HS2ST1: variants seen among roughly 807,000 people sequenced by gnomAD.
HS2ST1 encodes the protein heparan sulfate 2-O-sulfotransferase 1, also known as 2-O-sulfotransferase.
In HS2ST1, 18 loss-of-function variants were observed where a neutral mutation model predicts 42.9. The ratio of observed to expected loss-of-function variants is 0.42; its 90% CI spans 0.29 to 0.62. The LOEUF is 0.62. Ranked by LOEUF, HS2ST1 falls within the 20% of genes least tolerant of loss-of-function variation. HS2ST1 has a pLI of 0.21. For missense variants in HS2ST1, 334 were observed against 433.8 expected (o/e 0.77, Z 2.04); for synonymous variants, 146 against 152.9 (o/e 0.95, Z 0.33).
chr1:87,006,429 C>A (rs998119612), intron 1 of HS2ST1, among the ~76,000 whole-genome samples: 5 of 152,102 alleles, frequency 3.3e-5, no homozygotes, highest in Non-Finnish European at 5.9e-5. Flanking sequence ...AGAGCACTTA[C>A]TAGTCAACAG....
intron 1 of HS2ST1, among the ~76,000 whole-genome samples, chr1:87,062,607 T>A (rs2100624465): frequency 6.6e-6 from 1 of 152,328 alleles, no homozygotes; most frequent in African/African-American, 2.4e-5. Context: ...GTTTATTGTA[T>A]TTACACATAT....
At chr1:87,058,952 G>A (rs555016021) in intron 1 of HS2ST1, among the ~76,000 whole-genome samples, 2,454 of 151,462 alleles carry the variant, frequency 0.016, 34 homozygotes, top group African/African-American at 0.037. Context: ...CCAGCTACTC[G>A]GGAGGTTGAG....
chr1:86,990,830 ATATATATTTTTTTTTT>A (rs1345410973), intron 1 of HS2ST1, among the ~76,000 whole-genome samples: 288 of 18,596 alleles, frequency 0.015, 14 homozygotes, highest in South Asian at 0.063. Flanking sequence ...ATATATATAT[ATATATATTTTTTTTTT>A]TTTTTTTTTT....
At chr1:86,924,609 C>T (rs1660375216) in intron 1 of HS2ST1, among the ~76,000 whole-genome samples, 1 of 152,184 alleles carries the variant, frequency 6.6e-6, no homozygotes, top group African/African-American at 2.4e-5. Context: ...GCAGGCTCAA[C>T]ACCATGTGGA....
chr1:87,103,298 T>C (rs945951392), intron 5 of HS2ST1, 134 bp from the exon 6 acceptor site: 22 of 686,634 alleles, frequency 3.2e-5, no homozygotes, highest in Admixed American at 1.0e-4. Context: ...TCCCACAGGA[T>C]GGTAATAAAG....
At chr1:86,966,918 T>C (rs1648064480) in intron 1 of HS2ST1, among the ~76,000 whole-genome samples, 1 of 148,874 alleles carries the variant, frequency 6.7e-6, no homozygotes, top group African/African-American at 2.5e-5. Context: ...TGAGGCGGAA[T>C]TTCGCTCTTG....
At chr1:87,015,997 A>T (rs1294375385) in intron 1 of HS2ST1, among the ~76,000 whole-genome samples, 2 of 151,632 alleles carry the variant, frequency 1.3e-5, no homozygotes, top group Non-Finnish European at 2.9e-5. Flanking sequence ...TTATATTTTT[A>T]GTAGAGACGG....
rs935085642 is a variant in HS2ST1 at position 86,969,954 on chromosome 1, C to T, written c.124+54794C>T. Among the ~76,000 whole-genome samples the T allele has an allele frequency of 5.9e-5, 9 of 151,892 alleles. No homozygotes were observed. The South Asian group carries it at 6.2e-4, about 10-fold the overall frequency. ...CAGCCTGACCAACGTGGAGAAACCT[C>T]GTCTCTACTAAATATACAAAATTAG... On this transcript the variant is annotated intron_variant, in intron 1 of 6. Coordinates refer to ENST00000370550, the MANE Select transcript of HS2ST1 (RefSeq NM_012262.4).
chr1:87,087,573 T>A (rs1267262149), intron 3 of HS2ST1, among the ~76,000 whole-genome samples: 1 of 152,106 alleles, frequency 6.6e-6, no homozygotes, highest in Non-Finnish European at 1.5e-5. Flanking sequence ...CTTCATTAGG[T>A]CTGAAATTCT....
intron 1 of HS2ST1, among the ~76,000 whole-genome samples, chr1:86,920,123 A>T (rs1046219621): frequency 2.0e-5 from 3 of 152,242 alleles, no homozygotes; most frequent in African/African-American, 7.2e-5. Context: ...GGGTTTTAGC[A>T]TTGTAAATAA....
At chr1:87,011,651 T>C (rs1016104564) in intron 1 of HS2ST1, among the ~76,000 whole-genome samples, 4 of 152,212 alleles carry the variant, frequency 2.6e-5, no homozygotes, top group Admixed American at 6.5e-5. Context: ...GCATTGTATA[T>C]TGTTATTTTA....
At chr1:86,918,661 G>T (rs1182793905) in intron 1 of HS2ST1, among the ~76,000 whole-genome samples, 1 of 151,900 alleles carries the variant, frequency 6.6e-6, no homozygotes, top group Non-Finnish European at 1.5e-5. Context: ...TAATTTAACA[G>T]ATTTAAAAAT....
intron 1 of HS2ST1, among the ~76,000 whole-genome samples, chr1:87,012,322 T>G (rs1649621667): frequency 6.6e-6 from 1 of 151,954 alleles, no homozygotes; most frequent in South Asian, 2.1e-4. Flanking sequence ...GCCTGACAAT[T>G]ATGGGGGAAG....
Position 87,045,830 on chromosome 1 carries a change from A to G in HS2ST1, c.125-27104A>G, listed in dbSNP as rs556179109. On this transcript the variant is annotated intron_variant, in intron 1 of 6. Coordinates refer to ENST00000370550, the MANE Select transcript of HS2ST1 (RefSeq NM_012262.4). ...GGTCATCCTTATCCCATGTGAGCTC[A>G]GCTCCATCCCCCTTTTCTGCTAAAT... 7.9e-6 allele frequency: 6 copies of G among 755,362 alleles called. No homozygotes were observed. The South Asian group carries it at 8.2e-5, about 10-fold the overall frequency. The allele number at this position is 755,362 out of a possible 1,614,324, so 46.8% of individuals were successfully genotyped here.
At chr1:87,050,186 T>A (rs796890205) in intron 1 of HS2ST1, among the ~76,000 whole-genome samples, 12 of 152,110 alleles carry the variant, frequency 7.9e-5, no homozygotes, top group African/African-American at 2.9e-4. Context: ...CTTGCTTTTT[T>A]ATCTAGTCTG....
At chr1:87,097,250 C>A (rs1365312999) in intron 4 of HS2ST1, among the ~76,000 whole-genome samples, 3 of 152,144 alleles carry the variant, frequency 2.0e-5, no homozygotes, top group Admixed American at 6.5e-5. Flanking sequence ...AAAGACAGAA[C>A]ATAACACATA....
At chr1:87,030,634 T>A (rs1228000364) in intron 1 of HS2ST1, among the ~76,000 whole-genome samples, 1 of 152,182 alleles carries the variant, frequency 6.6e-6, no homozygotes, top group Non-Finnish European at 1.5e-5. Context: ...CTTTCCAGAT[T>A]TTTTCTAAGT....
Position 86,952,398 on chromosome 1 carries a change from C to A in HS2ST1, c.124+37238C>A, listed in dbSNP as rs112299326. Among the ~76,000 whole-genome samples the A allele has an allele frequency of 2.0e-5, 3 of 151,914 alleles. No homozygotes were observed. In the South Asian group the frequency reaches 6.2e-4, roughly 32 times the overall value. ...GATTACAGGCACGTACCACCACGCC[C>A]GGCAAATTTTTATGTTTTTAGTAGA... On this transcript the variant is annotated intron_variant, in intron 1 of 6. Transcript: ENST00000370550.
intron 1 of HS2ST1, among the ~76,000 whole-genome samples, chr1:86,964,576 G>A (rs1333741152): frequency 6.6e-6 from 1 of 152,374 alleles, no homozygotes; most frequent in Non-Finnish European, 1.5e-5. Context: ...GCAGTGAGCC[G>A]AGATGGCAGC....
Sources: allele counts gnomAD v4.1 joint callset (sites outside exome capture counted in the v4.1 genomes callset), GRCh38; gene constraint gnomAD v4.1.1; transcripts MANE v1.5; gene names NCBI Gene and HGNC (gene_info 2026-07-23, HGNC 2026-07-21).